The following GRID1 variants were observed in gnomAD, a reference collection of about 807,000 sequenced individuals.
GRID1 encodes the protein glutamate ionotropic receptor delta type subunit 1, also known as glutamate receptor ionotropic, delta-1.
Under a neutral mutation model 98.0 loss-of-function variants are expected in GRID1, and 28 were observed. That is an observed-to-expected ratio of 0.29 (90% CI 0.21 to 0.39). GRID1 has a LOEUF of 0.39. GRID1 is among the 10% of genes least tolerant of loss of function. GRID1 has a pLI of 1.00. For missense variants in GRID1, 1,111 were observed against 1,340.5 expected, an observed-to-expected ratio of 0.83 and a Z score of 2.67; for synonymous variants, 553 against 538.5, an observed-to-expected ratio of 1.03 and a Z score of -0.37.
In GRID1 at chr10:86,151,807, G is replaced by A. The variant is rs144408359; in HGVS notation, c.521-12783C>T. Reference sequence around the variant, plus strand: ...TGATCCCTGGGACCAGCAGTGTCTCGGGATCTGCGCTGGTGGGGAATGTGT... The same window carrying A: ...TGATCCCTGGGACCAGCAGTGTCTCAGGATCTGCGCTGGTGGGGAATGTGT... On this transcript the variant is annotated intron_variant, in intron 3 of 15. Transcript: ENST00000327946. 8.5e-4 allele frequency among the ~76,000 whole-genome samples: 129 copies of A among 152,240 alleles called. 1 individual carries two copies. The highest frequency in any genetic ancestry group is 3.4e-3 in the Middle Eastern group (1 of 294).
intron 4 of GRID1, among the ~76,000 whole-genome samples, chr10:86,026,173 CTATT>C (rs1246889443): frequency 3.3e-5 from 5 of 152,208 alleles, no homozygotes; most frequent in East Asian, 1.9e-4. Flanking sequence ...ACGTTTCACA[CTATT>C]TGTTTGGGAT....
intron 4 of GRID1, among the ~76,000 whole-genome samples, chr10:85,925,684 G>T (rs752540506): frequency 6.6e-6 from 1 of 152,252 alleles, no homozygotes; most frequent in Non-Finnish European, 1.5e-5. Context: ...ACCAGATACT[G>T]CTGAAGGAGG....
chr10:85,720,844 A>G (rs927935627), intron 12 of GRID1, among the ~76,000 whole-genome samples: 2 of 152,178 alleles, frequency 1.3e-5, no homozygotes, highest in African/African-American at 4.8e-5. Flanking sequence ...TGATTCGTGA[A>G]ATAAATAATT....
intron 12 of GRID1, among the ~76,000 whole-genome samples, chr10:85,651,852 A>G (rs1364458984): frequency 6.6e-6 from 1 of 152,134 alleles, no homozygotes; most frequent in East Asian, 1.9e-4. Context: ...TTTTGATAAT[A>G]TTTTGTGTTG....
intron 8 of GRID1, among the ~76,000 whole-genome samples, chr10:85,796,960 A>G (rs1298150916): frequency 6.6e-6 from 1 of 152,224 alleles, no homozygotes; most frequent in African/African-American, 2.4e-5. Flanking sequence ...TAAAGTATCC[A>G]AATAAGAAAA....
chr10:85,633,470 C>T (rs1423589773), intron 13 of GRID1, among the ~76,000 whole-genome samples: 2 of 152,172 alleles, frequency 1.3e-5, no homozygotes, highest in Admixed American at 1.3e-4. Flanking sequence ...TACCCTGAGG[C>T]CAAGGTGGCT....
At chr10:86,324,973 G>C (rs949214316) in intron 2 of GRID1, among the ~76,000 whole-genome samples, 14 of 152,030 alleles carry the variant, frequency 9.2e-5, no homozygotes, top group African/African-American at 3.4e-4. Flanking sequence ...CAAAGGAACA[G>C]GGAGAGTTCA....
At chr10:86,082,968 C>T (rs1843998620) in intron 4 of GRID1, among the ~76,000 whole-genome samples, 1 of 152,202 alleles carries the variant, frequency 6.6e-6, no homozygotes. Flanking sequence ...AAGGAATTGT[C>T]TGCCTTTTCA....
At chr10:85,790,839 C>A (rs1019210268) in intron 8 of GRID1, among the ~76,000 whole-genome samples, 1 of 152,196 alleles carries the variant, frequency 6.6e-6, no homozygotes, top group African/African-American at 2.4e-5. Flanking sequence ...AAGCCCTTGT[C>A]CTGGCTGCAC....
At chr10:85,611,347 C>T (rs1455325687) in intron 15 of GRID1, among the ~76,000 whole-genome samples, 5 of 152,160 alleles carry the variant, frequency 3.3e-5, no homozygotes, top group African/African-American at 1.2e-4. Flanking sequence ...GACAAGCTCT[C>T]CCTGCATGTG....
At chr10:86,179,081 G>A (rs1419888053) in intron 3 of GRID1, among the ~76,000 whole-genome samples, 1 of 152,086 alleles carries the variant, frequency 6.6e-6, no homozygotes, top group Non-Finnish European at 1.5e-5. Context: ...GACCAAAGGT[G>A]TTTCCAGGCT....
At chr10:85,863,045 C>T (rs77725450) in intron 6 of GRID1, among the ~76,000 whole-genome samples, 3,113 of 152,274 alleles carry the variant, frequency 0.02, 122 homozygotes, top group East Asian at 0.18. Context: ...AACTCCCCAT[C>T]GCGTACAACA....
At chr10:86,224,894 A>T (rs150195403) in intron 2 of GRID1, among the ~76,000 whole-genome samples, 2,146 of 152,288 alleles carry the variant, frequency 0.014, 57 homozygotes, top group African/African-American at 0.049. Context: ...CCGGGGCATT[A>T]TCACTCTGAA....
At chr10:86,146,283 AG>A (rs1202862835) in intron 3 of GRID1, among the ~76,000 whole-genome samples, 4 of 152,184 alleles carry the variant, frequency 2.6e-5, no homozygotes, top group Admixed American at 6.5e-5. Context: ...TTGATTCCAT[AG>A]ACTTTTTATT....
chr10:85,921,319 C>T (rs1427339076), intron 4 of GRID1, among the ~76,000 whole-genome samples: 13 of 152,300 alleles, frequency 8.5e-5, no homozygotes, highest in East Asian at 1.9e-4. Flanking sequence ...TAAAGAAGGC[C>T]GAAGGCAGCT....
intron 2 of GRID1, among the ~76,000 whole-genome samples, chr10:86,255,905 C>T (rs542223490): frequency 6.6e-6 from 1 of 152,238 alleles, no homozygotes; most frequent in South Asian, 2.1e-4. Context: ...TCTTCTGAAG[C>T]TGCCGCACCC....
chr10:86,102,432 A>T (rs980724046), intron 4 of GRID1, among the ~76,000 whole-genome samples: 1 of 152,246 alleles, frequency 6.6e-6, no homozygotes, highest in Non-Finnish European at 1.5e-5. Flanking sequence ...CAGCTGAAGA[A>T]AGGGTCACAG....
intron 4 of GRID1, among the ~76,000 whole-genome samples, chr10:86,054,841 AG>A (rs1208597741): frequency 1.3e-5 from 2 of 152,124 alleles, no homozygotes. Flanking sequence ...TTCTCCCATT[AG>A]GGGGTGGGGT....
chr10:86,251,105 G>T (rs897711096), intron 2 of GRID1, among the ~76,000 whole-genome samples: 1 of 152,054 alleles, frequency 6.6e-6, no homozygotes. Context: ...GATTAAGGGC[G>T]GTGCAAGTTG....
Sources: allele counts gnomAD v4.1 joint callset (sites outside exome capture counted in the v4.1 genomes callset), GRCh38; gene constraint gnomAD v4.1.1; transcripts MANE v1.5; gene names NCBI Gene and HGNC (gene_info 2026-07-23, HGNC 2026-07-21).